Variants in TCF7L2 observed in about 807,000 individuals in gnomAD.
The protein encoded by TCF7L2 is transcription factor 7-like 2.
TCF7L2 carries 23 observed loss-of-function variants against 77.9 expected under a neutral mutation model. The observed-to-expected ratio is 0.30, with a 90% CI of 0.21 to 0.42. The LOEUF (loss-of-function observed/expected upper bound fraction) is 0.42, where lower values mean the gene tolerates loss of function less well. Ranked by LOEUF, TCF7L2 falls within the 10% of genes least tolerant of loss-of-function variation. The pLI is 1.00. For synonymous variants in TCF7L2, 413 were observed against 340.2 expected, an observed-to-expected ratio of 1.21 and a Z score of -2.36; for missense variants, 654 against 793.1, an observed-to-expected ratio of 0.82 and a Z score of 2.11.
At chr10:113,160,779 C>T in intron 13 of TCF7L2, 2 of 1,242,502 alleles carry the variant, frequency 1.6e-6, no homozygotes, top group Non-Finnish European at 2.2e-6. Context: ...GACCTCGTTC[C>T]CCATCTACTT....
intron 5 of TCF7L2, among the ~76,000 whole-genome samples, chr10:113,136,320 C>T (rs2067388382): frequency 6.6e-6 from 1 of 152,130 alleles, no homozygotes; most frequent in Non-Finnish European, 1.5e-5. Flanking sequence ...CAGTCCCCAT[C>T]CTACCTTCAT....
In TCF7L2 at chr10:113,097,670, AAAAAC is replaced by A. The variant is rs1230575636; in HGVS notation, c.553-43511_553-43507del. Reference sequence around the variant, plus strand: ...GGAAAAAAAAAAAAAAAAAAAAAAAAAAAACAACCATGAGAAAGATATATGGAGGT... The same window carrying A: ...GGAAAAAAAAAAAAAAAAAAAAAAAAAACCATGAGAAAGATATATGGAGGT... On this transcript the variant is annotated intron_variant, in intron 5 of 13. Transcript: ENST00000627217. Among the ~76,000 whole-genome samples the A allele has an allele frequency of 9.3e-4, 115 of 123,944 alleles. 1 individual carries two copies. The highest frequency in any genetic ancestry group is 2.9e-3 in the African/African-American group (110 of 37,664). The allele number at this position is 123,944 out of a possible 152,430, so 81.3% of individuals were successfully genotyped here.
chr10:112,978,488 C>T (rs1425182606), intron 4 of TCF7L2, among the ~76,000 whole-genome samples: 2 of 149,388 alleles, frequency 1.3e-5, no homozygotes, highest in African/African-American at 2.5e-5. Context: ...TTTTTTGAGA[C>T]GGAGTCTTGC....
At chr10:112,988,450 C>A (rs558514727) in intron 4 of TCF7L2, among the ~76,000 whole-genome samples, 1 of 152,204 alleles carries the variant, frequency 6.6e-6, no homozygotes, top group South Asian at 2.1e-4. Context: ...TGGCTCAAGG[C>A]GTCCTTTTTA....
intron 10 of TCF7L2, 69 bp from the exon 11 acceptor site, chr10:113,152,264 T>C (rs1057081031): frequency 3.0e-6 from 4 of 1,333,592 alleles, no homozygotes; most frequent in South Asian, 1.2e-5. Context: ...CTTGGCGTAA[T>C]GTGTGATGTT....
intron 5 of TCF7L2, among the ~76,000 whole-genome samples, chr10:113,090,457 A>G (rs141067331): frequency 2.0e-5 from 3 of 152,366 alleles, no homozygotes; most frequent in African/African-American, 7.2e-5. Flanking sequence ...ACATATGTAC[A>G]TAAGTCTTGC....
At chr10:113,126,734 G>A (rs979948980) in intron 5 of TCF7L2, 90 of 985,712 alleles carry the variant, frequency 9.1e-5, no homozygotes, top group Admixed American at 3.1e-4. Context: ...CCTGTGCCGC[G>A]GGTGCGCGGC....
chr10:113,160,515 C>A lies in TCF7L2; in HGVS notation c.1319-104C>A. ...GGTGAGGGAAGATTATCAAATAGAA[C>A]CAAGGTGATAGAGAAGAAAAGGAAG... On this transcript the variant is annotated intron_variant, in intron 12 of 13. Coordinates refer to ENST00000627217, the MANE Select transcript of TCF7L2 (RefSeq NM_001146274.2). 4 of 1,007,192 alleles carry A rather than the reference C, an allele frequency of 4.0e-6. No individual in the cohort carries two copies. In the South Asian group the frequency reaches 7.3e-5, roughly 18 times the overall value. The allele number at this position is 1,007,192 out of a possible 1,614,324, so 62.4% of individuals were successfully genotyped here. A position where few individuals can be genotyped will look rare whatever the true frequency, so the allele number is the denominator to read the frequency against.
rs1282664682 is a variant in TCF7L2, at chr10:112,950,863, C to T, written c.107C>T (p.Ser36Leu). The change falls in exon 1 of 14, where the codon TCG becomes TTG. Residue 36 changes from serine to leucine, a missense_variant. Ser to Leu is a moderately radical substitution (Grantham distance 145, BLOSUM62 -2). Transcript: ENST00000627217. ...GAGGAGAAGAGCTCCGAAAACTCCT[C>T]GGCAGAGAGGGATTTAGCTGATGTC... The T allele has an allele frequency of 6.2e-7, 1 of 1,611,142 alleles. No homozygotes were observed. The highest frequency in any genetic ancestry group is 2.2e-5 in the East Asian group (1 of 44,780).
intron 5 of TCF7L2, among the ~76,000 whole-genome samples, chr10:113,049,749 G>T (rs1244611516): frequency 1.3e-5 from 2 of 152,204 alleles, no homozygotes; most frequent in African/African-American, 4.8e-5. Context: ...GCGATGAACA[G>T]ATATTTTGTC....
intron 5 of TCF7L2, among the ~76,000 whole-genome samples, chr10:113,079,554 G>T (rs2059102447): frequency 6.6e-6 from 1 of 152,154 alleles, no homozygotes; most frequent in Non-Finnish European, 1.5e-5. Context: ...AAAGTGGGGG[G>T]AACCCTCAAC....
intron 5 of TCF7L2, among the ~76,000 whole-genome samples, chr10:113,108,422 T>G (rs1300617354): frequency 6.7e-6 from 1 of 149,450 alleles, no homozygotes; most frequent in Non-Finnish European, 1.5e-5. Flanking sequence ...TCGCTCATGG[T>G]GGGGGATTGA....
rs1215367955 is a variant in TCF7L2 at position 112,964,742 on chromosome 10, GTGGTGGTGGTGGTGGTGA to G, written c.450+151_450+168del. The G allele has an allele frequency of 3.3e-4, 231 of 695,856 alleles. No homozygotes were observed. The African/African-American group carries it at 3.5e-3, about 11-fold the overall frequency. 43.1% of individuals were successfully genotyped at this position (695,856 alleles called of 1,614,324 possible). Reference sequence around the variant, plus strand: ...GATGATGATGATGATGATGATGATGGTGGTGGTGGTGGTGGTGATGGTGGTGGTGGTGGTGATGGTGGT... The same window carrying G: ...GATGATGATGATGATGATGATGATGGTGGTGGTGGTGGTGGTGATGGTGGT... On this transcript the variant is annotated intron_variant, in intron 4 of 13. Coordinates refer to ENST00000627217, the MANE Select transcript of TCF7L2 (RefSeq NM_001146274.2).
At chr10:113,083,540 C>T (rs1443061229) in intron 5 of TCF7L2, among the ~76,000 whole-genome samples, 1 of 152,122 alleles carries the variant, frequency 6.6e-6, no homozygotes, top group Non-Finnish European at 1.5e-5. Context: ...AATTAGTTCC[C>T]ATCAAAGTTA....
At chr10:113,049,455 T>C (rs547189100) in intron 5 of TCF7L2, among the ~76,000 whole-genome samples, 1 of 152,166 alleles carries the variant, frequency 6.6e-6, no homozygotes, top group Non-Finnish European at 1.5e-5. Flanking sequence ...GGCCCAAGTG[T>C]GTCCTCTCTA....
chr10:113,072,111 C>T (rs1016621056), intron 5 of TCF7L2, among the ~76,000 whole-genome samples: 2 of 152,154 alleles, frequency 1.3e-5, no homozygotes, highest in Admixed American at 6.5e-5. Flanking sequence ...GGCTGGAGTG[C>T]AGTGGCACGA....
chr10:112,968,316 C>T (rs866039385), intron 4 of TCF7L2, among the ~76,000 whole-genome samples: 1 of 152,184 alleles, frequency 6.6e-6, no homozygotes. Context: ...TCTCTTCCTC[C>T]TCTTCCTCCT....
At chr10:112,964,247 T>C (rs1236768465) in intron 3 of TCF7L2, among the ~76,000 whole-genome samples, 1 of 152,186 alleles carries the variant, frequency 6.6e-6, no homozygotes, top group Non-Finnish European at 1.5e-5. Context: ...ACTGGCTTCC[T>C]TTATGTCTTA....
At position 113,167,131 on chromosome 10, in the gene TCF7L2, T is replaced by A. The variant is rs1227574027; in HGVS notation, c.*1159T>A. On this transcript the variant is annotated 3_prime_UTR_variant, in exon 14 of 14. Coordinates refer to ENST00000627217, the MANE Select transcript of TCF7L2 (RefSeq NM_001146274.2). ...TTTTTGATGCTGTAATTTTTGTTCA[T>A]CATGTTTTGCTGTGATGTTACATAG... The A allele has an allele frequency of 3.1e-5, 7 of 229,440 alleles. No individual in the cohort carries two copies. The highest frequency in any genetic ancestry group is 6.0e-5 in the Non-Finnish European group (7 of 115,812). 14.2% of individuals were successfully genotyped at this position (229,440 alleles called of 1,614,324 possible). A position where few individuals can be genotyped will look rare whatever the true frequency, so the allele number is the denominator to read the frequency against.
Sources: gnomAD v4.1 joint callset for allele counts (sites outside exome capture counted in the v4.1 genomes callset) on GRCh38, gnomAD v4.1.1 for gene constraint, MANE v1.5 for transcripts, NCBI Gene and HGNC (gene_info 2026-07-23, HGNC 2026-07-21) for gene names.